MAP4K3: variants seen among roughly 807,000 people sequenced by gnomAD.
The protein encoded by MAP4K3 is MAPK/ERK kinase kinase kinase 3.
In MAP4K3, 94 loss-of-function variants were observed where a neutral mutation model predicts 143.5. The ratio of observed to expected loss-of-function variants is 0.65; its 90% confidence interval spans 0.55 to 0.78. The LOEUF is 0.78. Ranked by LOEUF, MAP4K3 falls within the 30% of genes least tolerant of loss-of-function variation. The probability of loss-of-function intolerance (pLI) is 0.00; values close to 1 mark genes in which losing one functional copy is unlikely to be tolerated. For missense variants in MAP4K3, 1,077 were observed against 1,068.1 expected, an observed-to-expected ratio of 1.01 and a Z score of -0.12; for synonymous variants, 416 against 347.2, an observed-to-expected ratio of 1.20 and a Z score of -2.20.
rs1665816347 is a variant in MAP4K3 at position 39,363,135 on chromosome 2, C to A, written c.155-6796G>T. On this transcript the variant is annotated intron_variant, in intron 2 of 33. Transcript: ENST00000263881. ...ATAGAAAAACACAGGCCAAAACATT[C>A]ATAATATTAGTCTTGGCAATTATTA... is the stretch of plus-strand genomic sequence containing the variant. 2.0e-5 allele frequency among the ~76,000 whole-genome samples: 3 copies of A among 152,278 alleles called. No individual in the cohort carries two copies. In the South Asian group the frequency reaches 6.2e-4, roughly 32 times the overall value.
chr2:39,374,999 T>C (rs547709118), intron 2 of MAP4K3, among the ~76,000 whole-genome samples: 1 of 152,304 alleles, frequency 6.6e-6, no homozygotes, highest in East Asian at 1.9e-4. Context: ...TAGTGGCTCA[T>C]GCTTGTAATC....
At chr2:39,267,486 C>T (rs748873962) in intron 26 of MAP4K3, 20 of 376,536 alleles carry the variant, frequency 5.3e-5, no homozygotes, top group Non-Finnish European at 9.5e-5. Context: ...GCCTGGCCAA[C>T]ATAATAAAAC....
At chr2:39,259,084 C>G (rs1680458435) in intron 29 of MAP4K3, among the ~76,000 whole-genome samples, 1 of 150,692 alleles carries the variant, frequency 6.6e-6, no homozygotes, top group South Asian at 2.1e-4. Flanking sequence ...CCTTGAAATC[C>G]TGGCCTCAAG....
chr2:39,286,958 C>G lies in MAP4K3; in HGVS notation c.1481G>C (p.Gly494Ala). The G allele has an allele frequency of 1.9e-6, 3 of 1,587,170 alleles. No individual in the cohort carries two copies. The South Asian group carries it at 3.4e-5, about 18-fold the overall frequency. Residue 494 changes from glycine (G) to alanine (A), a missense_variant, in exon 21 of 34, where the codon GGA becomes GCA. Physicochemically the swap from Gly to Ala is moderately conservative, Grantham distance 60. This residue lies in a region of MAP4K3 where 864 missense variants were observed against 801.2 expected (regional missense o/e 1.08). Transcript: ENST00000263881. Reference protein sequence around the residue: ...PPHKPVALGNGMSSFQLNGER... With the variant: ...PPHKPVALGNAMSSFQLNGER... ...ACCATTTAACTGGAAGGAGCTCATTCCATTTCCTTCAATAAGATATATTCA... is the reference window on the plus strand; with the variant it reads ...ACCATTTAACTGGAAGGAGCTCATTGCATTTCCTTCAATAAGATATATTCA...
intron 19 of MAP4K3, among the ~76,000 whole-genome samples, chr2:39,289,453 T>C (rs112680612): frequency 2.4e-3 from 358 of 152,324 alleles, no homozygotes; most frequent in Non-Finnish European, 3.9e-3. Flanking sequence ...TATGAACTTA[T>C]AAAGTATATA....
chr2:39,288,432 G>A (rs1681890516), intron 19 of MAP4K3, 152 bp from the exon 20 acceptor site: 1 of 605,792 alleles, frequency 1.7e-6, no homozygotes, highest in Admixed American at 3.0e-5. Flanking sequence ...ATCCAATTCA[G>A]ACTATCTTAT....
intron 3 of MAP4K3, among the ~76,000 whole-genome samples, chr2:39,344,716 T>G (rs140540951): frequency 6.6e-6 from 1 of 152,214 alleles, no homozygotes; most frequent in African/African-American, 2.4e-5. Flanking sequence ...CCTAGGAAAA[T>G]GAATGGAAAG....
intron 24 of MAP4K3, among the ~76,000 whole-genome samples, chr2:39,273,699 T>C (rs1399509722): frequency 1.3e-5 from 2 of 152,202 alleles, no homozygotes; most frequent in African/African-American, 2.4e-5. Context: ...ACTGGGAAAA[T>C]GTACTTACAT....
chr2:39,376,932 AAG>A (rs1296868595), intron 2 of MAP4K3, among the ~76,000 whole-genome samples: 1 of 152,212 alleles, frequency 6.6e-6, no homozygotes, highest in Non-Finnish European at 1.5e-5. Flanking sequence ...ATTCAGAAAA[AAG>A]ATAAACATCT....
intron 2 of MAP4K3, among the ~76,000 whole-genome samples, chr2:39,372,968 T>C (rs116792383): frequency 0.012 from 1,766 of 152,140 alleles, 16 homozygotes; most frequent in African/African-American, 0.018. Context: ...AGCTTCTGCA[T>C]AGCAAAACAA....
intron 15 of MAP4K3, among the ~76,000 whole-genome samples, chr2:39,303,683 C>T (rs1454877090): frequency 5.3e-5 from 8 of 152,092 alleles, no homozygotes; most frequent in Admixed American, 1.3e-4. Context: ...GGATTAAAGA[C>T]GTGCACCACC....
At chr2:39,391,358 CAAAA>C (rs755777714) in intron 1 of MAP4K3, among the ~76,000 whole-genome samples, 18 of 45,428 alleles carry the variant, frequency 4.0e-4, no homozygotes, top group African/African-American at 8.1e-4. Context: ...GACTCCATCT[CAAAA>C]AAAAAAAAAA....
intron 1 of MAP4K3, among the ~76,000 whole-genome samples, chr2:39,425,741 G>C (rs1665052627): frequency 6.6e-6 from 1 of 151,992 alleles, no homozygotes. Flanking sequence ...AAATCCAACT[G>C]GCCAAATCTG....
chr2:39,259,524 T>C (rs1680481080), intron 29 of MAP4K3, among the ~76,000 whole-genome samples: 1 of 152,212 alleles, frequency 6.6e-6, no homozygotes, highest in Non-Finnish European at 1.5e-5. Flanking sequence ...TTTTCAGGTA[T>C]ACACCACTTA....
At chr2:39,382,506 C>T (rs549968990) in intron 1 of MAP4K3, among the ~76,000 whole-genome samples, 2 of 152,194 alleles carry the variant, frequency 1.3e-5, no homozygotes, top group Non-Finnish European at 2.9e-5. Context: ...CCTCTGCCCA[C>T]AATTTAATAA....
At chr2:39,352,951 CG>C (rs1334648493) in intron 3 of MAP4K3, among the ~76,000 whole-genome samples, 1 of 152,088 alleles carries the variant, frequency 6.6e-6, no homozygotes, top group Admixed American at 6.5e-5. Context: ...ATATATTTTA[CG>C]GGGTTTCTAT....
chr2:39,353,909 G>A (rs1394794155), intron 3 of MAP4K3, among the ~76,000 whole-genome samples: 1 of 152,126 alleles, frequency 6.6e-6, no homozygotes, highest in Non-Finnish European at 1.5e-5. Flanking sequence ...TTTTATAGAT[G>A]AGGAAACAGA....
In MAP4K3 at chr2:39,282,143, T is replaced by C. The variant is rs184131655; in HGVS notation, c.1629+370A>G. On this transcript the variant is annotated intron_variant, in intron 22 of 33. Coordinates refer to ENST00000263881, the MANE Select transcript of MAP4K3 (RefSeq NM_003618.4). ...CTGGGAGGTGGAGCTTGCAATGAGC[T>C]GAGATTATGCCACTGCACTCTAGCC... 7.1e-3 allele frequency among the ~76,000 whole-genome samples: 1,067 copies of C among 149,700 alleles called. 10 individuals carry two copies. The highest frequency in any genetic ancestry group is 0.012 in the Non-Finnish European group (788 of 67,676).
intron 2 of MAP4K3, 99 bp downstream of exon 2, chr2:39,377,967 G>A: frequency 1.3e-6 from 1 of 759,982 alleles, no homozygotes; most frequent in Non-Finnish European, 2.2e-6. Context: ...CCAGATGTTG[G>A]GGAAAACAAG....
Sources: allele counts gnomAD v4.1 joint callset (sites outside exome capture counted in the v4.1 genomes callset), GRCh38; gene constraint gnomAD v4.1.1; regional missense constraint gnomAD v4.1.1; transcripts MANE v1.5; gene names NCBI Gene and HGNC (gene_info 2026-07-23, HGNC 2026-07-21).